The following KCNK5 variants were observed in gnomAD, a reference collection of about 807,000 sequenced individuals.
KCNK5 encodes potassium channel subfamily K member 5.
KCNK5 carries 18 observed loss-of-function variants against 32.9 expected under a neutral mutation model. The observed-to-expected ratio is 0.55, with a 90% confidence interval of 0.38 to 0.81. The LOEUF is 0.81. Ranked by LOEUF, KCNK5 falls within the 30% of genes least tolerant of loss-of-function variation. The pLI is 0.00. For synonymous variants in KCNK5, 276 were observed against 275.3 expected, an observed-to-expected ratio of 1.00 and a Z score of -0.03; for missense variants, 507 against 651.0, an observed-to-expected ratio of 0.78 and a Z score of 2.41.
intron 1 of KCNK5, among the ~76,000 whole-genome samples, chr6:39,207,401 C>G (rs1771247572): frequency 1.3e-5 from 2 of 152,220 alleles, no homozygotes. Context: ...CAATGAATGA[C>G]TGAGTCTCCA....
At position 39,191,145 on chromosome 6, in the gene KCNK5, G is replaced by C; in HGVS notation, c.1245C>G (p.Phe415Leu). 1 of 1,614,222 alleles carries C rather than the reference G, an allele frequency of 6.2e-7. No individual in the cohort carries two copies. The highest frequency in any genetic ancestry group is 8.5e-7 in the Non-Finnish European group (1 of 1,180,036). The change falls in exon 5 of 5, where the codon TTC becomes TTG. Residue 415 changes from phenylalanine to leucine, a missense_variant. Around this residue, in one of 6 missense-constraint regions of KCNK5, gnomAD observed 252 missense variants for 250.8 expected, o/e 1.00. Transcript: ENST00000359534. This position sits in a 1 kb window ranked among gnomAD's most constrained non-coding sequence, Gnocchi z 5.8. ...TCACGAAGGTGATGCTGGCGTCCTGGAAGATGAGTGGGTGGTAGTCCTGGG... is the reference window on the plus strand; with the variant it reads ...TCACGAAGGTGATGCTGGCGTCCTGCAAGATGAGTGGGTGGTAGTCCTGGG... The part of the protein sequence containing the change: ...WDAQDYHPLI[F>L]QDASITFVNT...
chr6:39,229,058 G>A lies in KCNK5; in HGVS notation c.54C>T (p.Ile18=), dbSNP rs566489866. 4 of 1,614,118 alleles carry A rather than the reference G, an allele frequency of 2.5e-6. No individual in the cohort carries two copies. In the East Asian group the frequency reaches 6.7e-5, roughly 27 times the overall value. The change falls in exon 1 of 5, where the codon ATC becomes ATT. Residue 18 remains isoleucine, a synonymous_variant. Transcript: ENST00000359534. ...LTSAIIFYLA[I]GAAIFEVLEE... is the part of the protein sequence containing the mutation. ...CCAGCACTTCGAAGATCGCCGCCCCGATGGCCAGGTAGAAGATGATGGCCG... is the reference window on the plus strand; with the variant it reads ...CCAGCACTTCGAAGATCGCCGCCCCAATGGCCAGGTAGAAGATGATGGCCG...
chr6:39,200,182 G>A (rs1345200778), intron 1 of KCNK5, among the ~76,000 whole-genome samples: 2 of 152,226 alleles, frequency 1.3e-5, no homozygotes, highest in Non-Finnish European at 2.9e-5. Flanking sequence ...GGCGGCCCCT[G>A]TTCACTGGCT....
intron 1 of KCNK5, among the ~76,000 whole-genome samples, chr6:39,222,783 A>G (rs979531509): frequency 6.6e-6 from 1 of 152,220 alleles, no homozygotes; most frequent in Non-Finnish European, 1.5e-5. Context: ...ACCACTGTAC[A>G]AAGCAAAAGA....
Position 39,229,139 on chromosome 6 carries a change from A to G in KCNK5, c.-28T>C. 6.2e-7 allele frequency: 1 copy of G among 1,611,432 alleles called. No individual in the cohort carries two copies. Among genetic ancestry groups the G allele is most frequent in the Non-Finnish European group, 8.5e-7 (1 of 1,178,808 alleles). On this transcript the variant is annotated 5_prime_UTR_variant, in exon 1 of 5. Coordinates refer to ENST00000359534, the MANE Select transcript of KCNK5 (RefSeq NM_003740.4). ...CTCCCGAGCGGCCGCCTCCTAGAGA[A>G]AGCCTCTCCTAGCCCCAGCTGCTAC...
In KCNK5 at chr6:39,191,812, C is replaced by T. The variant is rs189125008; in HGVS notation, c.635-57G>A. The T allele has an allele frequency of 1.3e-4, 208 of 1,553,372 alleles. 1 individual carries two copies. The East Asian group carries it at 2.9e-3, about 21-fold the overall frequency. On this transcript the variant is annotated intron_variant, in intron 4 of 4. Coordinates refer to ENST00000359534, the MANE Select transcript of KCNK5 (RefSeq NM_003740.4). The surrounding 1 kb of genome is among the most constrained non-coding windows in gnomAD (Gnocchi z 5.8). ...GAGTTAGCAGGGCCCGGGAAATGTG[C>T]AATGGCCAATGCTGTGTGATCTGAG...
rs142099528 is a variant in KCNK5, at chr6:39,221,199, C to T, written c.186+7727G>A. On this transcript the variant is annotated intron_variant, in intron 1 of 4. Transcript: ENST00000359534. ...GAGGTCGAGCTGATCACAGAATTTA[C>T]TGCAGAGGGTGGCTGCCATGATTCA... is the stretch of plus-strand genomic sequence containing the variant. 5.9e-3 allele frequency among the ~76,000 whole-genome samples: 895 copies of T among 152,294 alleles called. 6 individuals are homozygous for T. Among genetic ancestry groups the T allele is most frequent in the African/African-American group, 0.02 (849 of 41,550 alleles).
intron 1 of KCNK5, among the ~76,000 whole-genome samples, chr6:39,207,105 C>T (rs1441658434): frequency 1.3e-5 from 2 of 152,200 alleles, no homozygotes; most frequent in Non-Finnish European, 2.9e-5. Flanking sequence ...CAGTTCACCC[C>T]CCTGTGCCTT....
chr6:39,223,587 A>G (rs1334476025), intron 1 of KCNK5, among the ~76,000 whole-genome samples: 3 of 152,236 alleles, frequency 2.0e-5, no homozygotes, highest in Non-Finnish European at 2.9e-5. Context: ...TGGTTCTTGC[A>G]GCACCATGCA....
In KCNK5 at chr6:39,194,551, T is replaced by C. The variant is rs756625060; in HGVS notation, c.465+43A>G. On this transcript the variant is annotated intron_variant, in intron 3 of 4. Transcript: ENST00000359534. This position sits in a 1 kb window ranked among gnomAD's most constrained non-coding sequence, Gnocchi z 4.7. ...CCTCCTGTCCTCCCCTCACCTGTCA[T>C]GGTTCCCCCATCTCTGCCCAACACC... 3 of 1,605,644 alleles carry C rather than the reference T, an allele frequency of 1.9e-6. No homozygotes were observed. Among genetic ancestry groups the C allele is most frequent in the Non-Finnish European group, 2.6e-6 (3 of 1,173,900 alleles).
At chr6:39,208,491 C>A (rs1349691974) in intron 1 of KCNK5, among the ~76,000 whole-genome samples, 1 of 152,240 alleles carries the variant, frequency 6.6e-6, no homozygotes, top group Non-Finnish European at 1.5e-5. Context: ...TCCCGAAATC[C>A]TTCCTTATTG....
intron 1 of KCNK5, among the ~76,000 whole-genome samples, chr6:39,222,137 T>A (rs1350382549): frequency 6.6e-6 from 1 of 152,050 alleles, no homozygotes. Context: ...CACCCCCACT[T>A]CTACATAAAG....
At chr6:39,212,620 G>A (rs956039863) in intron 1 of KCNK5, among the ~76,000 whole-genome samples, 4 of 152,172 alleles carry the variant, frequency 2.6e-5, no homozygotes, top group African/African-American at 9.7e-5. Context: ...GAGCACAGTG[G>A]GTCCAAGGCT....
chr6:39,224,664 T>C (rs1161539730), intron 1 of KCNK5, among the ~76,000 whole-genome samples: 1 of 152,160 alleles, frequency 6.6e-6, no homozygotes, highest in Non-Finnish European at 1.5e-5. Context: ...CCAAGAGGCT[T>C]CCGGGAACAG....
rs554409131 is a variant in KCNK5, at chr6:39,197,979, C to T, written c.187-1992G>A. ...GAGTGGATTCTAGAAATTCAGAAAA[C>T]AAACCTGAACTCTTGCAAACTTCAA... On this transcript the variant is annotated intron_variant, in intron 1 of 4. Transcript: ENST00000359534. Among the ~76,000 whole-genome samples, 12 of 152,300 alleles carry T rather than the reference C, an allele frequency of 7.9e-5. 1 individual carries two copies. Among genetic ancestry groups the T allele is most frequent in the Admixed American group, 7.8e-4 (12 of 15,308 alleles).
chr6:39,216,428 C>T (rs918014090), intron 1 of KCNK5, among the ~76,000 whole-genome samples: 1 of 152,196 alleles, frequency 6.6e-6, no homozygotes, highest in Admixed American at 6.5e-5. Context: ...GCGCACGGGG[C>T]ACTTCTTGGG....
At chr6:39,201,481 C>T (rs1265102296) in intron 1 of KCNK5, among the ~76,000 whole-genome samples, 1 of 152,020 alleles carries the variant, frequency 6.6e-6, no homozygotes, top group Admixed American at 6.6e-5. Context: ...AAACTCCTGA[C>T]CTCCGGTGAT....
Position 39,190,728 on chromosome 6 carries a change from C to T in KCNK5, c.*162G>A, listed in dbSNP as rs1442869325. On this transcript the variant is annotated 3_prime_UTR_variant, in exon 5 of 5. Coordinates refer to ENST00000359534, the MANE Select transcript of KCNK5 (RefSeq NM_003740.4). ...GAACAGAGGCCCTGTCCCGGGCATA[C>T]ATCTAGCTGAGGATGATGGAAGGTT... is the stretch of plus-strand genomic sequence containing the variant. 7.9e-6 allele frequency: 5 copies of T among 632,682 alleles called. No individual in the cohort carries two copies. The highest frequency in any genetic ancestry group is 5.5e-5 in the African/African-American group (3 of 54,536). The allele number at this position is 632,682 out of a possible 1,614,324, so 39.2% of individuals were successfully genotyped here.
intron 1 of KCNK5, among the ~76,000 whole-genome samples, chr6:39,207,562 C>T (rs1022487682): frequency 2.0e-5 from 3 of 151,958 alleles, no homozygotes; most frequent in Admixed American, 2.0e-4. Context: ...CCCAAAGCCC[C>T]CAGAGGTTCT....
Sources: allele counts gnomAD v4.1 joint callset (sites outside exome capture counted in the v4.1 genomes callset), GRCh38; gene constraint gnomAD v4.1.1; regional missense constraint gnomAD v4.1.1; non-coding constraint Gnocchi (gnomAD v3.1); transcripts MANE v1.5; gene names NCBI Gene and HGNC (gene_info 2026-07-23, HGNC 2026-07-21).